C12orf42: variants seen among roughly 807,000 people sequenced by gnomAD.
C12orf42 encodes the protein chromosome 12 open reading frame 42.
C12orf42 carries 25 observed loss-of-function variants against 21.6 expected under a neutral mutation model. The observed-to-expected ratio is 1.16, with a 90% CI of 0.84 to 1.62. C12orf42 has a LOEUF of 1.62. C12orf42 is among the 40% of genes most tolerant of loss of function. The pLI, the probability that C12orf42 is intolerant of heterozygous loss-of-function variation, is 0.00. For synonymous variants in C12orf42, 174 were observed against 175.0 expected, an observed-to-expected ratio of 0.99 and a Z score of 0.05; for missense variants, 483 against 459.3, an observed-to-expected ratio of 1.05 and a Z score of -0.47.
At chr12:103,191,748 A>G in the C12orf42 span, among the ~76,000 whole-genome samples, 2 of 143,914 alleles carry the variant, frequency 1.4e-5, no homozygotes, top group African/African-American at 2.8e-5. Context: ...GTGTCTAAAA[A>G]AAAAAAAAAA....
At chr12:103,334,972 C>T (rs1025228002) in intron 4 of C12orf42, among the ~76,000 whole-genome samples, 3 of 152,080 alleles carry the variant, frequency 2.0e-5, no homozygotes, top group Non-Finnish European at 2.9e-5. Flanking sequence ...CTTTGCTTTG[C>T]CCCCTTTCAA....
At chr12:103,495,476 GC>G (rs1239900003) in intron 1 of C12orf42, among the ~76,000 whole-genome samples, 5 of 152,046 alleles carry the variant, frequency 3.3e-5, no homozygotes, top group African/African-American at 1.2e-4. Context: ...CGGCGAGCCG[GC>G]CGGGTGGGGA....
chr12:103,253,110 G>T (rs2034389762), intron 10 of C12orf42, among the ~76,000 whole-genome samples: 1 of 152,112 alleles, frequency 6.6e-6, no homozygotes, highest in African/African-American at 2.4e-5. Flanking sequence ...AAGATCAGAT[G>T]GTTGTAGGTG....
intron 10 of C12orf42, among the ~76,000 whole-genome samples, chr12:103,250,771 T>C (rs2136193261): frequency 6.6e-6 from 1 of 152,214 alleles, no homozygotes; most frequent in East Asian, 1.9e-4. Flanking sequence ...TCCCTTGTTC[T>C]CTAATCACTT....
intron 2 of C12orf42, among the ~76,000 whole-genome samples, chr12:103,422,719 G>A (rs970751205): frequency 6.6e-6 from 1 of 151,874 alleles, no homozygotes; most frequent in Non-Finnish European, 1.5e-5. Flanking sequence ...CTAGCAGGTG[G>A]GTATCTGGTG....
intron 4 of C12orf42, among the ~76,000 whole-genome samples, chr12:103,294,356 GAA>G (rs1266109761): frequency 9.8e-6 from 1 of 101,940 alleles, no homozygotes; most frequent in African/African-American, 3.7e-5. Flanking sequence ...AAACATGGCA[GAA>G]AAAAAAAAGA....
intron 5 of C12orf42, chr12:103,270,411 C>T (rs899268437): frequency 2.0e-5 from 3 of 151,600 alleles, no homozygotes; most frequent in Non-Finnish European, 2.9e-5. Flanking sequence ...ATTGTAAACA[C>T]ACTTCAATAA....
intron 10 of C12orf42, among the ~76,000 whole-genome samples, chr12:103,248,902 CA>C (rs2034141686): frequency 6.6e-6 from 1 of 151,976 alleles, no homozygotes; most frequent in Admixed American, 6.6e-5. Flanking sequence ...GAAAGTTTTA[CA>C]TATAATTGTT....
chr12:103,437,336 T>C (rs926035453), intron 2 of C12orf42, among the ~76,000 whole-genome samples: 1 of 151,670 alleles, frequency 6.6e-6, no homozygotes, highest in African/African-American at 2.4e-5. Context: ...AACATCACAA[T>C]TAAAAGAACT....
chr12:103,177,125 A>G, the C12orf42 span, among the ~76,000 whole-genome samples: 1 of 150,942 alleles, frequency 6.6e-6, no homozygotes, highest in Admixed American at 6.6e-5. Context: ...GCAAATGGAA[A>G]AAAAAAAATT....
chr12:103,350,443 T>C (rs556929717), intron 4 of C12orf42, among the ~76,000 whole-genome samples: 1 of 152,194 alleles, frequency 6.6e-6, no homozygotes, highest in Non-Finnish European at 1.5e-5. Flanking sequence ...CTTGTTTTAG[T>C]TAATAATGGC....
At chr12:103,293,794 C>T (rs2036972719) in intron 4 of C12orf42, among the ~76,000 whole-genome samples, 1 of 151,984 alleles carries the variant, frequency 6.6e-6, no homozygotes, top group Non-Finnish European at 1.5e-5. Context: ...AGGAGTATTC[C>T]CCAGAGTGAG....
intron 3 of C12orf42, among the ~76,000 whole-genome samples, chr12:103,388,160 G>A (rs1483970936): frequency 6.6e-6 from 1 of 152,104 alleles, no homozygotes; most frequent in Non-Finnish European, 1.5e-5. Flanking sequence ...TTTTTCCTTG[G>A]TGCCAGAGAA....
the C12orf42 span, among the ~76,000 whole-genome samples, chr12:103,141,123 C>A: frequency 6.6e-6 from 1 of 152,158 alleles, no homozygotes; most frequent in Non-Finnish European, 1.5e-5. Context: ...CCTGATTTAG[C>A]CACCTGTAAT....
chr12:103,305,749 C>T (rs1160084555), intron 5 of C12orf42, among the ~76,000 whole-genome samples: 1 of 152,144 alleles, frequency 6.6e-6, no homozygotes, highest in Non-Finnish European at 1.5e-5. Context: ...GGTGCAATAA[C>T]TGAATCATCA....
the C12orf42 span, among the ~76,000 whole-genome samples, chr12:103,524,216 C>T: frequency 6.6e-6 from 1 of 152,166 alleles, no homozygotes; most frequent in Non-Finnish European, 1.5e-5. Flanking sequence ...TCTAGTTCAC[C>T]TACAAAGAAA....
chr12:103,318,910 A>G (rs981783682), intron 4 of C12orf42, among the ~76,000 whole-genome samples: 56 of 152,334 alleles, frequency 3.7e-4, no homozygotes, highest in African/African-American at 1.3e-3. Context: ...TTTGCATGCA[A>G]TTAAGTACTT....
At position 103,302,383 on chromosome 12, in the gene C12orf42, C is replaced by T. The variant is rs2037771033; in HGVS notation, c.808G>A (p.Gly270Arg). The T allele has an allele frequency of 6.2e-7, 1 of 1,613,900 alleles. No homozygotes were observed. Among genetic ancestry groups the T allele is most frequent in the Non-Finnish European group, 8.5e-7 (1 of 1,179,870 alleles). Residue 270 changes from glycine (G) to arginine (R), a missense_variant, in exon 6 of 6, where the codon GGA (glycine) becomes AGA (arginine). Transcript: ENST00000548883. ...DIQSRLLGAS[G>R]NPVGKGAVAM... ...ACCGCGCCTTTTCCGACGGGATTTCCGGACGCGCCCAGGAGTCTGCTTTGG... is the reference window on the plus strand; with the variant it reads ...ACCGCGCCTTTTCCGACGGGATTTCTGGACGCGCCCAGGAGTCTGCTTTGG...
At chr12:103,220,170 A>G in the C12orf42 span, among the ~76,000 whole-genome samples, 4 of 152,302 alleles carry the variant, frequency 2.6e-5, no homozygotes, top group Admixed American at 2.0e-4. Flanking sequence ...ACAGAAAACC[A>G]AACGCCACAC....
Sources: gnomAD v4.1 joint callset for allele counts (sites outside exome capture counted in the v4.1 genomes callset) on GRCh38, gnomAD v4.1.1 for gene constraint, MANE v1.5 for transcripts, NCBI Gene and HGNC (gene_info 2026-07-23, HGNC 2026-07-21) for gene names.